Variants in CPNE8 observed in about 807,000 individuals in gnomAD.
CPNE8 encodes the protein copine-8.
In CPNE8, 45 loss-of-function variants were observed where a neutral mutation model predicts 81.5. The observed-to-expected ratio is 0.55, with a 90% CI of 0.44 to 0.71. The LOEUF is 0.71. Among genes scored for constraint, CPNE8 ranks in the 30% least tolerant of loss-of-function variants. The probability of loss-of-function intolerance (pLI) is 0.00; values close to 1 mark genes in which losing one functional copy is unlikely to be tolerated. For synonymous variants in CPNE8, 252 were observed against 226.3 expected (o/e 1.11, Z -1.02); for missense variants, 594 against 672.1 (o/e 0.88, Z 1.28).
intron 10 of CPNE8, among the ~76,000 whole-genome samples, chr12:38,760,451 A>ATATATATATATATATATATATATATATG (rs749406707): frequency 7.2e-4 from 86 of 120,150 alleles, no homozygotes; most frequent in African/African-American, 2.4e-3. Context: ...ATATATATAT[A>ATATATATATATATATATATATATATATG]TGTGTGTGTA....
At chr12:38,787,943 A>C (rs970768114) in intron 6 of CPNE8, among the ~76,000 whole-genome samples, 3 of 144,952 alleles carry the variant, frequency 2.1e-5, no homozygotes, top group African/African-American at 7.5e-5. Context: ...GAAAGTAAGG[A>C]GACTGAAGTC....
chr12:38,837,916 G>T (rs1032898070), intron 5 of CPNE8, among the ~76,000 whole-genome samples: 5 of 152,110 alleles, frequency 3.3e-5, no homozygotes, highest in African/African-American at 1.2e-4. Context: ...CTACAAAAGA[G>T]AAAGATTTGA....
At chr12:38,902,128 A>G (rs1480633418) in intron 1 of CPNE8, among the ~76,000 whole-genome samples, 2 of 150,910 alleles carry the variant, frequency 1.3e-5, no homozygotes, top group Admixed American at 6.6e-5. Context: ...GATAGGGGAC[A>G]GTGAAAGGAG....
At chr12:38,861,011 C>CA (rs1943823861) in intron 3 of CPNE8, among the ~76,000 whole-genome samples, 1 of 151,708 alleles carries the variant, frequency 6.6e-6, no homozygotes, top group Admixed American at 6.6e-5. Flanking sequence ...GTTCTTATTA[C>CA]AAAAAATAAT....
At chr12:38,805,815 AGCT>A in intron 6 of CPNE8, among the ~76,000 whole-genome samples, 1 of 149,760 alleles carries the variant, frequency 6.7e-6, no homozygotes, top group Non-Finnish European at 1.5e-5. Context: ...TGAATCCAGG[AGCT>A]GGTTTTTTGA....
intron 18 of CPNE8, among the ~76,000 whole-genome samples, chr12:38,672,301 A>T (rs950050625): frequency 6.6e-6 from 1 of 152,198 alleles, no homozygotes. Context: ...CATTTAGGCA[A>T]TACTGTATTA....
intron 1 of CPNE8, among the ~76,000 whole-genome samples, chr12:38,881,017 T>C (rs576197651): frequency 2.3e-4 from 35 of 152,130 alleles, no homozygotes; most frequent in African/African-American, 8.4e-4. Flanking sequence ...GAGACCATCC[T>C]AGCTAACACG....
intron 3 of CPNE8, among the ~76,000 whole-genome samples, chr12:38,860,890 T>C (rs1943821560): frequency 6.6e-6 from 1 of 152,140 alleles, no homozygotes; most frequent in African/African-American, 2.4e-5. Flanking sequence ...AAGTTTCAGT[T>C]ACGAAAAATG....
At chr12:38,789,488 G>A (rs1385127653) in intron 6 of CPNE8, among the ~76,000 whole-genome samples, 1 of 151,596 alleles carries the variant, frequency 6.6e-6, no homozygotes, top group East Asian at 1.9e-4. Flanking sequence ...CTCAAATTAT[G>A]AAACTATGAA....
intron 19 of CPNE8, among the ~76,000 whole-genome samples, chr12:38,655,397 T>C (rs1192457263): frequency 1.3e-5 from 2 of 152,264 alleles, no homozygotes; most frequent in Non-Finnish European, 2.9e-5. Flanking sequence ...TTTGAAGTGA[T>C]TGGAACTGTG....
rs56748675 is a variant in CPNE8 at position 38,903,328 on chromosome 12, A to ATT, written c.98+2107_98+2108dup. 1.9e-4 allele frequency among the ~76,000 whole-genome samples: 29 copies of ATT among 151,808 alleles called. 1 individual carries two copies. The highest frequency in any genetic ancestry group is 7.0e-4 in the African/African-American group (29 of 41,328). The stretch of plus-strand genomic sequence containing the variant: ...CTAAGTATTCAGGTTCTCTTTCAGG[A>ATT]TTTTTTTTTCCTGTTAGAAATCTTA... On this transcript the variant is annotated intron_variant, in intron 1 of 19. Coordinates refer to ENST00000331366, the MANE Select transcript of CPNE8 (RefSeq NM_153634.3).
chr12:38,875,781 A>G (rs1944057417), intron 1 of CPNE8, among the ~76,000 whole-genome samples: 1 of 152,262 alleles, frequency 6.6e-6, no homozygotes, highest in African/African-American at 2.4e-5. Flanking sequence ...GAATTAAATC[A>G]GATTAGAAGA....
chr12:38,792,676 TC>T (rs1942354186), intron 6 of CPNE8, among the ~76,000 whole-genome samples: 1 of 151,796 alleles, frequency 6.6e-6, no homozygotes, highest in Admixed American at 6.6e-5. Flanking sequence ...GCACCAGTCT[TC>T]CTGAAACACT....
intron 10 of CPNE8, among the ~76,000 whole-genome samples, chr12:38,742,351 A>G (rs538689610): frequency 2.0e-5 from 3 of 152,184 alleles, no homozygotes; most frequent in Non-Finnish European, 4.4e-5. Context: ...TGCAGCCATA[A>G]AAAATGATGA....
chr12:38,897,806 T>C (rs1181614165), intron 1 of CPNE8, among the ~76,000 whole-genome samples: 5 of 152,078 alleles, frequency 3.3e-5, no homozygotes, highest in South Asian at 2.1e-4. Context: ...TTTGTAATCA[T>C]TGAGTGCTTA....
chr12:38,797,632 A>C (rs774246601), intron 6 of CPNE8, among the ~76,000 whole-genome samples: 3 of 152,164 alleles, frequency 2.0e-5, no homozygotes, highest in Admixed American at 6.5e-5. Context: ...AACTCTAAAA[A>C]GCAGAGTGCC....
intron 6 of CPNE8, among the ~76,000 whole-genome samples, chr12:38,789,983 G>A (rs924661266): frequency 2.6e-5 from 4 of 151,574 alleles, no homozygotes; most frequent in African/African-American, 4.8e-5. Context: ...TAAACCCTTG[G>A]ACCTTCTTAG....
intron 1 of CPNE8, among the ~76,000 whole-genome samples, chr12:38,902,982 C>T (rs1944512074): frequency 6.6e-6 from 1 of 152,150 alleles, no homozygotes; most frequent in Non-Finnish European, 1.5e-5. Context: ...TCCAAGGTAG[C>T]AAGAACAAGT....
Position 38,767,687 on chromosome 12 carries a change from A to C in CPNE8, c.523T>G (p.Phe175Val). The C allele has an allele frequency of 6.4e-7, 1 of 1,564,268 alleles. No homozygotes were observed. The highest frequency in any genetic ancestry group is 8.6e-7 in the Non-Finnish European group (1 of 1,162,206). Residue 175 changes from phenylalanine (F) to valine (V), a missense_variant, in exon 8 of 20, where the codon TTT becomes GTT. Phe to Val is a conservative substitution (Grantham distance 50). Coordinates refer to ENST00000331366, the MANE Select transcript of CPNE8 (RefSeq NM_153634.3). ...ACAAGGAAAGGATCTGATTTTCCAA[A>C]GAAGTCCTTCTTGTCCAATTTGTTC... ...CANKLDKKDF[F>V]GKSDPFLVFY...
Sources: allele counts gnomAD v4.1 joint callset (sites outside exome capture counted in the v4.1 genomes callset), GRCh38; gene constraint gnomAD v4.1.1; transcripts MANE v1.5; gene names NCBI Gene and HGNC (gene_info 2026-07-23, HGNC 2026-07-21).